The following GBE1 variants were observed in gnomAD, a reference collection of about 807,000 sequenced individuals.
The protein encoded by GBE1 is 1,4-alpha-glucan-branching enzyme.
Under a neutral mutation model 88.8 loss-of-function variants are expected in GBE1, and 70 were observed. That is an observed-to-expected ratio of 0.79 (90% CI 0.65 to 0.96). GBE1 has a LOEUF of 0.96. Among genes scored for constraint, GBE1 ranks in the 40% least tolerant of loss-of-function variants. GBE1 has a pLI of 0.00. For synonymous variants in GBE1, 284 were observed against 300.1 expected (o/e 0.95, Z 0.56); for missense variants, 872 against 871.0 (o/e 1.00, Z -0.01).
At chr3:81,751,421 T>C (rs953187365) in intron 1 of GBE1, among the ~76,000 whole-genome samples, 7 of 152,216 alleles carry the variant, frequency 4.6e-5, no homozygotes, top group Non-Finnish European at 8.8e-5. Context: ...GCCTTGATGA[T>C]CCAGGCTCAC....
At chr3:81,619,021 C>T (rs1027298159) in intron 7 of GBE1, among the ~76,000 whole-genome samples, 26 of 152,008 alleles carry the variant, frequency 1.7e-4, no homozygotes, top group Non-Finnish European at 3.2e-4. Context: ...ATAATGCAAA[C>T]ATGCAGAAAA....
intron 1 of GBE1, among the ~76,000 whole-genome samples, chr3:81,724,798 T>C (rs1178058303): frequency 5.9e-5 from 9 of 152,236 alleles, no homozygotes; most frequent in Non-Finnish European, 1.0e-4. Flanking sequence ...ATAAAAAATG[T>C]CTTCATATCT....
chr3:81,685,743 A>G (rs975523821), intron 2 of GBE1, among the ~76,000 whole-genome samples: 4 of 152,070 alleles, frequency 2.6e-5, no homozygotes, highest in African/African-American at 9.7e-5. Context: ...GTTTTCAAAC[A>G]TGCCCTCAAG....
intron 3 of GBE1, among the ~76,000 whole-genome samples, chr3:81,654,091 C>A (rs1203769000): frequency 6.6e-6 from 1 of 151,750 alleles, no homozygotes; most frequent in Non-Finnish European, 1.5e-5. Flanking sequence ...ATAATAATAC[C>A]AAATAATACC....
chr3:81,568,629 A>G (rs1168568851), intron 12 of GBE1, among the ~76,000 whole-genome samples: 1 of 152,194 alleles, frequency 6.6e-6, no homozygotes, highest in Admixed American at 6.5e-5. Flanking sequence ...TGTACTTAGT[A>G]ACTACCTGAG....
At chr3:81,562,056 G>T (rs193123762) in intron 12 of GBE1, among the ~76,000 whole-genome samples, 1 of 152,130 alleles carries the variant, frequency 6.6e-6, no homozygotes, top group East Asian at 1.9e-4. Context: ...GAACACACTC[G>T]CATCTGTCTT....
chr3:81,597,035 T>C lies in GBE1; in HGVS notation c.993-3012A>G, dbSNP rs78138280. 5.9e-3 allele frequency among the ~76,000 whole-genome samples: 893 copies of C among 152,082 alleles called. 5 individuals are homozygous for C. The highest frequency in any genetic ancestry group is 0.017 in the African/African-American group (705 of 41,540). On this transcript the variant is annotated intron_variant, in intron 7 of 15. Coordinates refer to ENST00000429644, the MANE Select transcript of GBE1 (RefSeq NM_000158.4). Reference sequence around the variant, plus strand: ...AAGAGGAGTTATGAATTATTCCAGATTGTGACTGAATTAGAAATATTGTTC... The same window carrying C: ...AAGAGGAGTTATGAATTATTCCAGACTGTGACTGAATTAGAAATATTGTTC...
chr3:81,511,079 A>G (rs1702720593), intron 14 of GBE1, among the ~76,000 whole-genome samples: 1 of 152,112 alleles, frequency 6.6e-6, no homozygotes, highest in Non-Finnish European at 1.5e-5. Flanking sequence ...CAATGGGGAA[A>G]GGACTCCCTA....
intron 7 of GBE1, 195 bp downstream of exon 7, chr3:81,642,586 T>A: frequency 2.0e-6 from 1 of 497,634 alleles, no homozygotes; most frequent in Non-Finnish European, 3.5e-6. Context: ...TATGTAAAAT[T>A]GAAATTTAAT....
At chr3:81,743,638 C>T (rs1575774601) in intron 1 of GBE1, 3 of 1,530,892 alleles carry the variant, frequency 2.0e-6, no homozygotes, top group East Asian at 4.9e-5. Context: ...TTGGAACATC[C>T]AGAAAGGTCT....
intron 7 of GBE1, among the ~76,000 whole-genome samples, chr3:81,601,494 C>A (rs906209620): frequency 1.3e-5 from 2 of 152,124 alleles, no homozygotes; most frequent in African/African-American, 2.4e-5. Context: ...TGTGGTCATA[C>A]TAGCTGTATT....
At position 81,697,557 on chromosome 3, in the gene GBE1, C is replaced by T. The variant is rs1162974888; in HGVS notation, c.313+7887G>A. Among the ~76,000 whole-genome samples the T allele has an allele frequency of 3.3e-5, 5 of 152,096 alleles. No homozygotes were observed. The South Asian group carries it at 6.2e-4, about 19-fold the overall frequency. On this transcript the variant is annotated intron_variant, in intron 2 of 15. Coordinates refer to ENST00000429644, the MANE Select transcript of GBE1 (RefSeq NM_000158.4). The stretch of plus-strand genomic sequence containing the variant: ...CCTCGTGATCCGCTGGCCTTGGCCT[C>T]GCAAAGTGCTGGGATTACAGGCGTG...
intron 12 of GBE1, among the ~76,000 whole-genome samples, chr3:81,576,146 A>T (rs1703644794): frequency 1.3e-5 from 2 of 151,840 alleles, no homozygotes; most frequent in African/African-American, 4.8e-5. Context: ...TATTCATGGC[A>T]GCTTAAAAAA....
At chr3:81,757,711 T>C (rs181439159) in intron 1 of GBE1, among the ~76,000 whole-genome samples, 1 of 152,354 alleles carries the variant, frequency 6.6e-6, no homozygotes, top group East Asian at 1.9e-4. Flanking sequence ...CAAACATGTT[T>C]GGAATGAAAA....
At chr3:81,496,966 T>C (rs1702507743) in intron 15 of GBE1, among the ~76,000 whole-genome samples, 1 of 152,186 alleles carries the variant, frequency 6.6e-6, no homozygotes, top group Non-Finnish European at 1.5e-5. Flanking sequence ...TACAATTCTG[T>C]TGCAGGCAGC....
At chr3:81,572,794 G>T (rs1703592022) in intron 12 of GBE1, among the ~76,000 whole-genome samples, 1 of 151,942 alleles carries the variant, frequency 6.6e-6, no homozygotes, top group Non-Finnish European at 1.5e-5. Flanking sequence ...AATTAAAATT[G>T]CAGTATCAGG....
chr3:81,667,318 T>C (rs1705125456), intron 3 of GBE1, among the ~76,000 whole-genome samples: 1 of 152,216 alleles, frequency 6.6e-6, no homozygotes, highest in African/African-American at 2.4e-5. Context: ...TCCACTGAAG[T>C]TGCTTATCAG....
chr3:81,612,896 C>A (rs533073495), intron 7 of GBE1: 39 of 399,526 alleles, frequency 9.8e-5, no homozygotes, highest in Admixed American at 4.6e-4. Context: ...TACAGTACTA[C>A]TTGGTTCCTG....
intron 2 of GBE1, among the ~76,000 whole-genome samples, chr3:81,683,230 T>C (rs1368472630): frequency 1.3e-5 from 2 of 152,236 alleles, no homozygotes; most frequent in Non-Finnish European, 2.9e-5. Context: ...GTGAGCTGTA[T>C]GCTATGTGAA....
Sources: allele counts gnomAD v4.1 joint callset (sites outside exome capture counted in the v4.1 genomes callset), GRCh38; gene constraint gnomAD v4.1.1; transcripts MANE v1.5; gene names NCBI Gene and HGNC (gene_info 2026-07-23, HGNC 2026-07-21).